ADK: variants seen among roughly 807,000 people sequenced by gnomAD.
The protein encoded by ADK is N6,N6-dimethyladenosine kinase.
In ADK, 24 loss-of-function variants were observed where a neutral mutation model predicts 44.7. That is an observed-to-expected ratio of 0.54 (90% CI 0.39 to 0.76). ADK has a LOEUF of 0.76. Among genes scored for constraint, ADK ranks in the 30% least tolerant of loss-of-function variants. The pLI, the probability that ADK is intolerant of heterozygous loss-of-function variation, is 0.00. For missense variants in ADK, 321 were observed against 425.1 expected, an observed-to-expected ratio of 0.76 and a Z score of 2.15; for synonymous variants, 128 against 142.6, an observed-to-expected ratio of 0.90 and a Z score of 0.73.
intron 6 of ADK, among the ~76,000 whole-genome samples, chr10:74,488,732 A>G (rs143994473): frequency 3.3e-5 from 5 of 151,932 alleles, no homozygotes; most frequent in African/African-American, 9.6e-5. Context: ...CTTTTACGAC[A>G]TTAAAGACAT....
At chr10:74,256,065 GC>G (rs1384294093) in intron 3 of ADK, among the ~76,000 whole-genome samples, 1 of 152,188 alleles carries the variant, frequency 6.6e-6, no homozygotes, top group Non-Finnish European at 1.5e-5. Flanking sequence ...GTGGCGATAG[GC>G]TTAAGCTTAG....
At chr10:74,199,134 AT>A (rs1283645438) in intron 1 of ADK, among the ~76,000 whole-genome samples, 2 of 152,178 alleles carry the variant, frequency 1.3e-5, no homozygotes, top group Non-Finnish European at 2.9e-5. Context: ...TACCACAGTC[AT>A]TTTTTTGTGA....
At position 74,577,636 on chromosome 10, in the gene ADK, T is replaced by C. The variant is rs188110513; in HGVS notation, c.727-11646T>C. Among the ~76,000 whole-genome samples, 7 of 152,082 alleles carry C rather than the reference T, an allele frequency of 4.6e-5. No homozygotes were observed. In the East Asian group the frequency reaches 1.4e-3, roughly 29 times the overall value. The stretch of plus-strand genomic sequence containing the variant: ...TCTGTTTTTACTCCATTTTGTTACA[T>C]TAAAAAAAAATTACAATGTAGTCCT... On this transcript the variant is annotated intron_variant, in intron 7 of 10. Coordinates refer to ENST00000539909, the MANE Select transcript of ADK (RefSeq NM_006721.4).
At chr10:74,302,137 T>TTTTTTTTTTG (rs1840078684) in intron 3 of ADK, among the ~76,000 whole-genome samples, 1 of 103,820 alleles carries the variant, frequency 9.6e-6, no homozygotes, top group African/African-American at 3.7e-5. Flanking sequence ...TTTTTTTTTT[T>TTTTTTTTTTG]TTTTTTTTTG....
At chr10:74,416,825 T>G (rs1844392613) in intron 6 of ADK, among the ~76,000 whole-genome samples, 1 of 152,008 alleles carries the variant, frequency 6.6e-6, no homozygotes, top group African/African-American at 2.4e-5. Flanking sequence ...AAATATCAAA[T>G]GTAGAATAGT....
intron 4 of ADK, among the ~76,000 whole-genome samples, chr10:74,358,296 T>C (rs1208214363): frequency 6.6e-6 from 1 of 152,238 alleles, no homozygotes; most frequent in African/African-American, 2.4e-5. Context: ...AAGTTAACCT[T>C]GTGGAACTTT....
chr10:74,421,978 A>G (rs1481908494), intron 6 of ADK, among the ~76,000 whole-genome samples: 1 of 152,176 alleles, frequency 6.6e-6, no homozygotes, highest in Admixed American at 6.5e-5. Flanking sequence ...TCCAAATAAC[A>G]TATTGCCCCC....
chr10:74,173,124 G>T (rs1196459265), intron 1 of ADK, among the ~76,000 whole-genome samples: 1 of 145,174 alleles, frequency 6.9e-6, no homozygotes, highest in Non-Finnish European at 1.5e-5. Context: ...ATGGAGTCTT[G>T]CTCTGTCACC....
chr10:74,670,812 C>G (rs1855142922), intron 10 of ADK, among the ~76,000 whole-genome samples: 1 of 127,056 alleles, frequency 7.9e-6, no homozygotes, highest in East Asian at 2.3e-4. Flanking sequence ...GTAATGAATA[C>G]TCAAAAATAA....
At chr10:74,283,070 A>T (rs945529664) in intron 3 of ADK, among the ~76,000 whole-genome samples, 1 of 152,206 alleles carries the variant, frequency 6.6e-6, no homozygotes, top group East Asian at 1.9e-4. Flanking sequence ...TGGAGTTCTC[A>T]TCTGTGTCAC....
chr10:74,162,305 C>A (rs1489677555), intron 1 of ADK, among the ~76,000 whole-genome samples: 1 of 152,060 alleles, frequency 6.6e-6, no homozygotes, highest in Admixed American at 6.6e-5. Context: ...AGGCGTGAGC[C>A]ACTGGGCTCG....
chr10:74,629,053 A>G (rs1362335162), intron 9 of ADK, among the ~76,000 whole-genome samples: 1 of 151,328 alleles, frequency 6.6e-6, no homozygotes, highest in African/African-American at 2.4e-5. Flanking sequence ...TTTTTTTTTA[A>G]GTTAAAGAGA....
At chr10:74,433,819 A>G (rs1312215293) in intron 6 of ADK, among the ~76,000 whole-genome samples, 1 of 90,812 alleles carries the variant, frequency 1.1e-5, no homozygotes, top group African/African-American at 2.8e-5. Flanking sequence ...CTAAAACGAA[A>G]TACTTTGAGT....
intron 7 of ADK, among the ~76,000 whole-genome samples, chr10:74,569,721 G>T (rs1215756162): frequency 6.6e-6 from 1 of 152,098 alleles, no homozygotes; most frequent in Non-Finnish European, 1.5e-5. Flanking sequence ...TATTCTGTAG[G>T]TTGCCTGTTC....
chr10:74,571,017 A>C (rs2133855928), intron 7 of ADK, among the ~76,000 whole-genome samples: 1 of 152,282 alleles, frequency 6.6e-6, no homozygotes, highest in African/African-American at 2.4e-5. Flanking sequence ...AATTTTATCA[A>C]AGGCCTTTTC....
At chr10:74,385,191 A>AT (rs1024139979) in intron 4 of ADK, among the ~76,000 whole-genome samples, 2 of 152,194 alleles carry the variant, frequency 1.3e-5, no homozygotes, top group African/African-American at 2.4e-5. Context: ...ATCTCAATAA[A>AT]TTTTTTTAAA....
At chr10:74,698,664 C>T (rs566384730) in intron 10 of ADK, among the ~76,000 whole-genome samples, 1 of 152,150 alleles carries the variant, frequency 6.6e-6, no homozygotes, top group South Asian at 2.1e-4. Flanking sequence ...GTGATCCTCC[C>T]ACCTCAGCCT....
chr10:74,343,090 C>T (rs1207224135), intron 4 of ADK, among the ~76,000 whole-genome samples: 1 of 152,042 alleles, frequency 6.6e-6, no homozygotes, highest in Non-Finnish European at 1.5e-5. Flanking sequence ...AATCATTCAC[C>T]ATTAAGTTTG....
chr10:74,380,829 C>T (rs1219349025), intron 4 of ADK, among the ~76,000 whole-genome samples: 1 of 152,058 alleles, frequency 6.6e-6, no homozygotes, highest in Non-Finnish European at 1.5e-5. Context: ...AATAATTATA[C>T]TCATATAGTC....
Sources: gnomAD v4.1 joint callset for allele counts (sites outside exome capture counted in the v4.1 genomes callset) on GRCh38, gnomAD v4.1.1 for gene constraint, MANE v1.5 for transcripts, NCBI Gene and HGNC (gene_info 2026-07-23, HGNC 2026-07-21) for gene names.